The following HAUS6 variants were observed in gnomAD, a reference collection of about 807,000 sequenced individuals.
The protein encoded by HAUS6 is HAUS augmin-like complex subunit 6.
In HAUS6, 80 loss-of-function variants were observed where a neutral mutation model predicts 106.8. The ratio of observed to expected loss-of-function variants is 0.75; its 90% CI spans 0.63 to 0.90. The LOEUF is 0.90. Ranked by LOEUF, HAUS6 falls within the 40% of genes least tolerant of loss-of-function variation. The pLI is 0.00. For missense variants in HAUS6, 1,155 were observed against 1,118.1 expected (o/e 1.03, Z -0.47); for synonymous variants, 356 against 379.1 (o/e 0.94, Z 0.71).
At chr9:19,087,885 C>G (rs1817656321) in intron 5 of HAUS6, among the ~76,000 whole-genome samples, 2 of 143,742 alleles carry the variant, frequency 1.4e-5, no homozygotes, top group Non-Finnish European at 3.0e-5. Context: ...CATGCACACA[C>G]AATTATATAC....
In HAUS6 at chr9:19,053,638, T is replaced by C. The variant is rs978441922; in HGVS notation, c.*2705A>G. ...GAACATTTTAGCATTATCTCAGGTT[T>C]CAAGCTGATGTATGTCAGTTTATAT... On this transcript the variant is annotated 3_prime_UTR_variant, in exon 17 of 17. Coordinates refer to ENST00000380502, the MANE Select transcript of HAUS6 (RefSeq NM_017645.5). 7 of 152,198 alleles carry C rather than the reference T, an allele frequency of 4.6e-5. No homozygotes were observed. The highest frequency in any genetic ancestry group is 1.3e-4 in the Admixed American group (2 of 15,278). 9.4% of individuals were successfully genotyped at this position (152,198 alleles called of 1,614,324 possible).
At chr9:19,089,234 G>A (rs534366130) in intron 5 of HAUS6, among the ~76,000 whole-genome samples, 178 bp downstream of exon 5, 23 of 151,102 alleles carry the variant, frequency 1.5e-4, no homozygotes, top group African/African-American at 5.6e-4. Context: ...CTGGGTGACA[G>A]AACCAGACCC....
intron 7 of HAUS6, among the ~76,000 whole-genome samples, chr9:19,084,889 C>T (rs766537635): frequency 2.0e-5 from 3 of 151,978 alleles, no homozygotes; most frequent in African/African-American, 4.8e-5. Flanking sequence ...ATATCGGCCT[C>T]CCAAAGTGCT....
In HAUS6 at chr9:19,080,435, A is replaced by C. The variant is rs779897574; in HGVS notation, c.1064+44T>G. ...TTATACAAGTTTTGTTGAGAAAACC[A>C]CCCTACTCCTCCCACAGTAAAATAA... is the stretch of plus-strand genomic sequence containing the variant. On this transcript the variant is annotated intron_variant, in intron 9 of 16. Coordinates refer to ENST00000380502, the MANE Select transcript of HAUS6 (RefSeq NM_017645.5). 3 of 1,323,976 alleles carry C rather than the reference A, an allele frequency of 2.3e-6. No homozygotes were observed. The South Asian group carries it at 3.6e-5, about 16-fold the overall frequency. 82.0% of individuals were successfully genotyped at this position (1,323,976 alleles called of 1,614,324 possible). A position where few individuals can be genotyped will look rare whatever the true frequency, so the allele number is the denominator to read the frequency against.
intron 10 of HAUS6, among the ~76,000 whole-genome samples, chr9:19,077,968 G>A (rs1837047535): frequency 6.6e-6 from 1 of 152,062 alleles, no homozygotes; most frequent in Non-Finnish European, 1.5e-5. Context: ...GGCTGAGGTG[G>A]GAGGATTGCT....
intron 11 of HAUS6, among the ~76,000 whole-genome samples, chr9:19,074,516 C>G (rs1461639554): frequency 2.6e-5 from 4 of 152,088 alleles, no homozygotes; most frequent in African/African-American, 9.7e-5. Context: ...AAGCAATCTT[C>G]CACCCTAGGC....
chr9:19,065,935 A>ATT (rs562370544), intron 12 of HAUS6, among the ~76,000 whole-genome samples: 23 of 139,958 alleles, frequency 1.6e-4, no homozygotes, highest in Admixed American at 2.9e-4. Flanking sequence ...ACAGCCAAAA[A>ATT]TTTTTTTTTT....
Position 19,056,127 on chromosome 9 carries a change from T to A in HAUS6, c.*216A>T, listed in dbSNP as rs1164438077. ...GCTTGACGTTTGTTGTCCAAATACT[T>A]CACATTTCAATCTCATATACCTACA... On this transcript the variant is annotated 3_prime_UTR_variant, in exon 17 of 17. Coordinates refer to ENST00000380502, the MANE Select transcript of HAUS6 (RefSeq NM_017645.5). The A allele has an allele frequency of 2.4e-5, 10 of 424,794 alleles. No homozygotes were observed. The highest frequency in any genetic ancestry group is 4.2e-5 in the Non-Finnish European group (10 of 240,060). 26.3% of individuals were successfully genotyped at this position (424,794 alleles called of 1,614,324 possible). A position where few individuals can be genotyped will look rare whatever the true frequency, so the allele number is the denominator to read the frequency against.
intron 3 of HAUS6, among the ~76,000 whole-genome samples, chr9:19,093,881 TAATAA>T (rs983088758): frequency 2.6e-5 from 4 of 151,958 alleles, no homozygotes; most frequent in African/African-American, 7.3e-5. Context: ...AAAAAAGTAA[TAATAA>T]AATAAAATAA....
chr9:19,083,333 C>A (rs1837207356), intron 7 of HAUS6, among the ~76,000 whole-genome samples: 1 of 152,108 alleles, frequency 6.6e-6, no homozygotes, highest in South Asian at 2.1e-4. Context: ...GACTCAAACT[C>A]CTGGGCTCAA....
chr9:19,099,454 C>A (rs574570183), intron 1 of HAUS6, among the ~76,000 whole-genome samples: 1 of 152,066 alleles, frequency 6.6e-6, no homozygotes, highest in Admixed American at 6.5e-5. Context: ...GCGTGAGCCA[C>A]CGCACCCGGC....
Position 19,070,377 on chromosome 9 carries a change from G to C in HAUS6, c.1295-77C>G, listed in dbSNP as rs1836860626. ...CATTCAAGGATTCCTTGAAATTCGA[G>C]AACAACTTGTAAACAGAAGAAAACA... On this transcript the variant is annotated intron_variant, in intron 11 of 16. Transcript: ENST00000380502. The C allele has an allele frequency of 3.6e-6, 3 of 822,890 alleles. No individual in the cohort carries two copies. The South Asian group carries it at 4.6e-5, about 13-fold the overall frequency. 51.0% of individuals were successfully genotyped at this position (822,890 alleles called of 1,614,324 possible). A position where few individuals can be genotyped will look rare whatever the true frequency, so the allele number is the denominator to read the frequency against.
At chr9:19,086,656 G>C (rs530464056) in intron 7 of HAUS6, 78 bp downstream of exon 7, 8 of 639,262 alleles carry the variant, frequency 1.3e-5, no homozygotes, top group African/African-American at 9.6e-5. Flanking sequence ...TAGACTATAA[G>C]AGTCCCACTA....
At chr9:19,065,557 T>G (rs1836743558) in intron 12 of HAUS6, among the ~76,000 whole-genome samples, 1 of 152,222 alleles carries the variant, frequency 6.6e-6, no homozygotes, top group South Asian at 2.1e-4. Flanking sequence ...TTTAAAATTT[T>G]GGGCTGGGCG....
At position 19,058,112 on chromosome 9, in the gene HAUS6, A is replaced by T. The variant is rs768136354; in HGVS notation, c.2655T>A (p.Cys885Ter). Reference protein sequence around the residue: ...TDDTLNFLDTCDLHTEHIKPS... With the variant: ...TDDTLNFLDT Reference sequence around the variant, plus strand: ...GCTTTATATGCTCAGTATGCAAATCACAGGTGTCCAAAAAGTTAAGCGTAT... The same window carrying T: ...GCTTTATATGCTCAGTATGCAAATCTCAGGTGTCCAAAAAGTTAAGCGTAT... Residue 885 changes from cysteine (C) to a stop codon, truncating the protein, a stop_gained, in exon 16 of 17, where the codon TGT becomes TGA. Coordinates refer to ENST00000380502, the MANE Select transcript of HAUS6 (RefSeq NM_017645.5). LOFTEE classifies it high-confidence loss of function. The T allele has an allele frequency of 6.2e-7, 1 of 1,614,128 alleles. No homozygotes were observed. Among genetic ancestry groups the T allele is most frequent in the Non-Finnish European group, 8.5e-7 (1 of 1,179,998 alleles).
At chr9:19,083,529 G>A (rs533310401) in intron 7 of HAUS6, among the ~76,000 whole-genome samples, 4 of 152,158 alleles carry the variant, frequency 2.6e-5, no homozygotes, top group East Asian at 1.9e-4. Flanking sequence ...GAAGCCGGGC[G>A]CAGTGGCTCA....
chr9:19,074,342 G>C (rs72696466), intron 11 of HAUS6, among the ~76,000 whole-genome samples: 56,784 of 151,942 alleles, frequency 0.37, 11,597 homozygotes, highest in Non-Finnish European at 0.45. Flanking sequence ...AGCAGTAATA[G>C]ATCATTGCAG....
At chr9:19,082,299 C>G (rs1837168177) in intron 8 of HAUS6, among the ~76,000 whole-genome samples, 1 of 152,168 alleles carries the variant, frequency 6.6e-6, no homozygotes, top group Non-Finnish European at 1.5e-5. Context: ...TTATAATGAA[C>G]TAGTACAGTA....
At chr9:19,100,456 G>C (rs1054858715) in intron 1 of HAUS6, among the ~76,000 whole-genome samples, 4 of 152,226 alleles carry the variant, frequency 2.6e-5, no homozygotes, top group Admixed American at 6.5e-5. Flanking sequence ...ATCCTGCAGA[G>C]AAAAGGGAAT....
Sources: gnomAD v4.1 joint callset for allele counts (sites outside exome capture counted in the v4.1 genomes callset) on GRCh38, gnomAD v4.1.1 for gene constraint, MANE v1.5 for transcripts, NCBI Gene and HGNC (gene_info 2026-07-23, HGNC 2026-07-21) for gene names.